The following ADAM10 variants were observed in gnomAD, a reference collection of about 807,000 sequenced individuals.
ADAM10 encodes disintegrin and metalloproteinase domain-containing protein 10.
Under a neutral mutation model 90.1 loss-of-function variants are expected in ADAM10, and 17 were observed. The observed-to-expected ratio is 0.19, with a 90% CI of 0.13 to 0.28. ADAM10 has a LOEUF of 0.28. Among genes scored for constraint, ADAM10 ranks in the 10% least tolerant of loss-of-function variants. ADAM10 has a pLI of 1.00. For synonymous variants in ADAM10, 310 were observed against 298.6 expected, an observed-to-expected ratio of 1.04 and a Z score of -0.40; for missense variants, 610 against 914.3, an observed-to-expected ratio of 0.67 and a Z score of 4.29.
chr15:58,609,873 C>T (rs1895388431), intron 14 of ADAM10: 1 of 221,450 alleles, frequency 4.5e-6, no homozygotes, highest in South Asian at 6.6e-5. Context: ...TCAACATTTC[C>T]TATTACAAAC....
chr15:58,664,925 A>G (rs1295237939), intron 5 of ADAM10, among the ~76,000 whole-genome samples, 172 bp downstream of exon 5: 1 of 152,150 alleles, frequency 6.6e-6, no homozygotes, highest in Non-Finnish European at 1.5e-5. Flanking sequence ...TTCAAACCTC[A>G]GTCCTATCTC....
chr15:58,749,530 A>C lies in ADAM10; in HGVS notation c.5T>G (p.Val2Gly), dbSNP rs201234959. 5.2e-6 allele frequency: 8 copies of C among 1,552,484 alleles called. No individual in the cohort carries two copies. Among genetic ancestry groups the C allele is most frequent in the African/African-American group, 1.4e-5 (1 of 72,834 alleles). Residue 2 changes from valine (V) to glycine (G), a missense_variant, in exon 1 of 16, where the codon GTG becomes GGG. Physicochemically the swap from Val to Gly is moderately radical, Grantham distance 109. Around this residue, in one of 4 missense-constraint regions of ADAM10, gnomAD observed 310 missense variants for 362.4 expected, o/e 0.86. Coordinates refer to ENST00000260408, the MANE Select transcript of ADAM10 (RefSeq NM_001110.4). Reference protein sequence around the residue: MVLLRVLILLLS... With the variant: MGLLRVLILLLS... ...GAGCAGAATTAACACTCTCAGCAAC[A>C]CCATCTTCCGCTGCCGCTGCCGCCG...
chr15:58,698,405 CTA>C, intron 2 of ADAM10: 1 of 93,018 alleles, frequency 1.1e-5, no homozygotes, highest in Non-Finnish European at 1.8e-5. Flanking sequence ...AACCCCATCT[CTA>C]AAAAAAAAAA....
Position 58,596,414 on chromosome 15 carries a change from T to A in ADAM10, c.*1133A>T, listed in dbSNP as rs1376187998. The stretch of plus-strand genomic sequence containing the variant: ...CTGTTAAAAATTTTAGGAAAAAAAA[T>A]GTCAGAAGGCCTATCTACAATTTTA... On this transcript the variant is annotated 3_prime_UTR_variant, in exon 16 of 16. Transcript: ENST00000260408. 1.3e-5 allele frequency: 2 copies of A among 152,624 alleles called. No individual in the cohort carries two copies. Among genetic ancestry groups the A allele is most frequent in the African/African-American group, 4.8e-5 (2 of 41,458 alleles). 9.5% of individuals were successfully genotyped at this position (152,624 alleles called of 1,614,324 possible).
intron 2 of ADAM10, chr15:58,686,764 GA>G: frequency 1.7e-6 from 1 of 571,610 alleles, no homozygotes; most frequent in East Asian, 2.8e-5. Flanking sequence ...CAAAATCACA[GA>G]AATTCATGAG....
At chr15:58,619,050 C>T (rs1895702403) in intron 11 of ADAM10, among the ~76,000 whole-genome samples, 1 of 151,508 alleles carries the variant, frequency 6.6e-6, no homozygotes, top group East Asian at 1.9e-4. Context: ...CCTACAGCCC[C>T]GTTTACTGTA....
At chr15:58,722,023 T>G (rs1898871228) in intron 1 of ADAM10, among the ~76,000 whole-genome samples, 4 of 151,476 alleles carry the variant, frequency 2.6e-5, no homozygotes, top group Admixed American at 2.6e-4. Flanking sequence ...AGCAAAACTC[T>G]GTCTGAAATA....
At chr15:58,739,310 TCCTGGCTAACATGGTGAAACC>T (rs574848847) in intron 1 of ADAM10, among the ~76,000 whole-genome samples, 1,791 of 148,566 alleles carry the variant, frequency 0.012, 27 homozygotes, top group Non-Finnish European at 0.017. Context: ...ATTGAGACCA[TCCTGGCTAACATGGTGAAACC>T]CCGTCTCTAC....
At chr15:58,653,194 T>C (rs1455074706) in intron 5 of ADAM10, among the ~76,000 whole-genome samples, 1 of 152,186 alleles carries the variant, frequency 6.6e-6, no homozygotes, top group African/African-American at 2.4e-5. Flanking sequence ...GTTTCCAATT[T>C]GGGTGCACTT....
intron 2 of ADAM10, among the ~76,000 whole-genome samples, chr15:58,683,965 C>T (rs1206225861): frequency 6.6e-6 from 1 of 151,174 alleles, no homozygotes; most frequent in Non-Finnish European, 1.5e-5. Flanking sequence ...TCTAAAAATG[C>T]TCAAGTCCCT....
chr15:58,725,400 G>A (rs1898998050), intron 1 of ADAM10, among the ~76,000 whole-genome samples: 1 of 149,878 alleles, frequency 6.7e-6, no homozygotes, highest in African/African-American at 2.4e-5. Context: ...AAATTAGCCA[G>A]GAATACTTTT....
chr15:58,707,094 A>AG (rs1298511447), intron 2 of ADAM10, among the ~76,000 whole-genome samples: 2 of 150,498 alleles, frequency 1.3e-5, no homozygotes, highest in Non-Finnish European at 1.5e-5. Context: ...GGGGGGGAAA[A>AG]AAGCTCAGCC....
In ADAM10 at chr15:58,682,314, T is replaced by C; in HGVS notation, c.207A>G (p.Arg69=). The part of the protein sequence containing the change: ...FLRLDFHAHG[R]HFNLRMKRDT... Reference sequence around the variant, plus strand: ...CCCTCTTCATTCGTAGGTTGAAATGTCTGTAAAATGGGATGGGAAGGGGGA... The same window carrying C: ...CCCTCTTCATTCGTAGGTTGAAATGCCTGTAAAATGGGATGGGAAGGGGGA... Residue 69 remains arginine, a splice_region_variant and synonymous_variant, in exon 3 of 16, where the codon AGA becomes AGG. Transcript: ENST00000260408. 6.2e-7 allele frequency: 1 copy of C among 1,611,170 alleles called. No homozygotes were observed. Among genetic ancestry groups the C allele is most frequent in the South Asian group, 1.1e-5 (1 of 90,126 alleles).
In ADAM10 at chr15:58,596,741, A is replaced by C. The variant is rs1894963448; in HGVS notation, c.*806T>G. The C allele has an allele frequency of 6.6e-6, 1 of 152,258 alleles. No homozygotes were observed. Among genetic ancestry groups the C allele is most frequent in the African/African-American group, 2.4e-5 (1 of 41,470 alleles). 9.4% of individuals were successfully genotyped at this position (152,258 alleles called of 1,614,324 possible). On this transcript the variant is annotated 3_prime_UTR_variant, in exon 16 of 16. Coordinates refer to ENST00000260408, the MANE Select transcript of ADAM10 (RefSeq NM_001110.4). ...GCAGAAACCAGACATCTACATCATG[A>C]ACTCTGAAGTAGTATGTGCTGCTAT...
intron 2 of ADAM10, among the ~76,000 whole-genome samples, chr15:58,705,084 T>C (rs1390300250): frequency 6.6e-6 from 1 of 152,190 alleles, no homozygotes; most frequent in Non-Finnish European, 1.5e-5. Flanking sequence ...CTTTACAATA[T>C]TACCACAAAA....
At chr15:58,687,498 G>A (rs1388574965) in intron 2 of ADAM10, among the ~76,000 whole-genome samples, 6 of 151,772 alleles carry the variant, frequency 4.0e-5, no homozygotes, top group African/African-American at 1.5e-4. Context: ...TTTAATTTGG[G>A]ACACTTTTTT....
At chr15:58,653,672 TTTC>T (rs1304736475) in intron 5 of ADAM10, among the ~76,000 whole-genome samples, 1 of 152,202 alleles carries the variant, frequency 6.6e-6, no homozygotes, top group African/African-American at 2.4e-5. Flanking sequence ...GGCCTGTCAT[TTTC>T]TTTTTTTGCT....
intron 4 of ADAM10, among the ~76,000 whole-genome samples, chr15:58,667,560 G>A (rs1473269543): frequency 6.6e-6 from 1 of 151,978 alleles, no homozygotes; most frequent in African/African-American, 2.4e-5. Context: ...AATCACCAAA[G>A]CCAATTTTTA....
chr15:58,735,589 A>T (rs1422799411), intron 1 of ADAM10, among the ~76,000 whole-genome samples: 1 of 152,162 alleles, frequency 6.6e-6, no homozygotes, highest in African/African-American at 2.4e-5. Context: ...TGTAAATCCT[A>T]TATAAATAGT....
Sources: allele counts gnomAD v4.1 joint callset (sites outside exome capture counted in the v4.1 genomes callset), GRCh38; gene constraint gnomAD v4.1.1; regional missense constraint gnomAD v4.1.1; transcripts MANE v1.5; gene names NCBI Gene and HGNC (gene_info 2026-07-23, HGNC 2026-07-21).